Variants in DCC observed in about 807,000 individuals in gnomAD.
DCC encodes netrin receptor DCC.
A neutral mutation model predicts 172.5 loss-of-function variants in DCC; 58 were observed. The ratio of observed to expected loss-of-function variants is 0.34; its 90% CI spans 0.27 to 0.42. The LOEUF is 0.42. Among genes scored for constraint, DCC ranks in the 10% least tolerant of loss-of-function variants. The pLI is 1.00. For missense variants in DCC, 1,740 were observed against 1,791.0 expected (o/e 0.97, Z 0.51); for synonymous variants, 709 against 644.5 (o/e 1.10, Z -1.52).
intron 19 of DCC, among the ~76,000 whole-genome samples, chr18:53,406,730 AAG>A (rs111304682): frequency 0.36 from 45,313 of 126,950 alleles, 9,450 homozygotes; most frequent in Non-Finnish European, 0.5. Flanking sequence ...AGAAAGAAAA[AAG>A]AAAAAAAGTA....
intron 1 of DCC, among the ~76,000 whole-genome samples, chr18:52,726,432 G>T (rs1568066129): frequency 6.6e-6 from 1 of 151,984 alleles, no homozygotes; most frequent in South Asian, 2.1e-4. Flanking sequence ...ACTATTTGTA[G>T]CATCATCTCA....
intron 12 of DCC, among the ~76,000 whole-genome samples, chr18:53,295,438 G>A (rs2057055130): frequency 1.3e-5 from 2 of 152,084 alleles, no homozygotes; most frequent in East Asian, 1.9e-4. Context: ...AATGAAAATT[G>A]TTTACAAATA....
chr18:52,568,689 C>T (rs1297468533), intron 1 of DCC, among the ~76,000 whole-genome samples: 1 of 151,682 alleles, frequency 6.6e-6, no homozygotes, highest in Non-Finnish European at 1.5e-5. Flanking sequence ...TGTGTGCTTA[C>T]ACACACACAC....
At chr18:52,715,295 C>CTCT (rs2036360675) in intron 1 of DCC, among the ~76,000 whole-genome samples, 3 of 144,792 alleles carry the variant, frequency 2.1e-5, no homozygotes, top group Non-Finnish European at 3.0e-5. Flanking sequence ...TTTTTCTTTT[C>CTCT]TTTTTTTTTT....
intron 1 of DCC, among the ~76,000 whole-genome samples, chr18:52,607,548 C>T (rs370260658): frequency 3.3e-5 from 5 of 152,072 alleles, no homozygotes; most frequent in Non-Finnish European, 5.9e-5. Flanking sequence ...CAGTGAAATC[C>T]GTGGGGCAAG....
At chr18:53,436,796 A>G (rs1033637134) in intron 22 of DCC, among the ~76,000 whole-genome samples, 11 of 152,132 alleles carry the variant, frequency 7.2e-5, no homozygotes, top group African/African-American at 2.7e-4. Flanking sequence ...GGTAACTTAT[A>G]AACAACAGAA....
chr18:52,711,711 C>T (rs1371541780), intron 1 of DCC, among the ~76,000 whole-genome samples: 3 of 152,118 alleles, frequency 2.0e-5, no homozygotes, highest in Non-Finnish European at 4.4e-5. Context: ...ACTACATTCT[C>T]ACTTTGTTCT....
At chr18:53,208,516 CCCCTATATTTACCT>C (rs1217100419) in intron 11 of DCC, among the ~76,000 whole-genome samples, 1 of 151,668 alleles carries the variant, frequency 6.6e-6, no homozygotes, top group Admixed American at 6.6e-5. Flanking sequence ...ATAGACAATC[CCCCTATATTTACCT>C]CTTAATTAGA....
intron 12 of DCC, among the ~76,000 whole-genome samples, chr18:53,267,773 C>A (rs1403365840): frequency 1.3e-5 from 2 of 152,074 alleles, no homozygotes; most frequent in African/African-American, 4.8e-5. Flanking sequence ...GCCACATATT[C>A]GTTATTGTTA....
At chr18:53,075,746 A>G (rs148807061) in intron 7 of DCC, among the ~76,000 whole-genome samples, 2 of 152,304 alleles carry the variant, frequency 1.3e-5, no homozygotes, top group East Asian at 3.9e-4. Flanking sequence ...TGCTGTGCTT[A>G]TATGTATACA....
intron 1 of DCC, among the ~76,000 whole-genome samples, chr18:52,599,955 A>G (rs2033984868): frequency 6.6e-6 from 1 of 152,288 alleles, no homozygotes; most frequent in East Asian, 1.9e-4. Flanking sequence ...TCTGGGAACC[A>G]TGCCATCCCC....
chr18:52,530,519 CAG>C (rs964367097), intron 1 of DCC, among the ~76,000 whole-genome samples: 64 of 152,220 alleles, frequency 4.2e-4, no homozygotes, highest in Non-Finnish European at 3.1e-4. Context: ...ATAAAGAAAA[CAG>C]AGAATGCACA....
chr18:53,505,802 A>C (rs1231140020), intron 27 of DCC, among the ~76,000 whole-genome samples: 1 of 152,212 alleles, frequency 6.6e-6, no homozygotes, highest in South Asian at 2.1e-4. Flanking sequence ...GAGTGACAGA[A>C]GGAATGGTGA....
chr18:52,733,045 A>C (rs2036669811), intron 1 of DCC, among the ~76,000 whole-genome samples: 2 of 152,158 alleles, frequency 1.3e-5, no homozygotes, highest in South Asian at 4.1e-4. Flanking sequence ...GCCATGCTTA[A>C]CTGTAGGTTG....
intron 2 of DCC, among the ~76,000 whole-genome samples, chr18:52,770,970 C>A (rs2037331946): frequency 6.6e-6 from 1 of 152,200 alleles, no homozygotes; most frequent in African/African-American, 2.4e-5. Flanking sequence ...GAAGACGGGA[C>A]AATGTTCTTG....
rs74178673 is a variant in DCC at position 52,551,727 on chromosome 18, TACACAC to T, written c.92-200290_92-200285del. Among the ~76,000 whole-genome samples, 55 of 126,344 alleles carry T rather than the reference TACACAC, an allele frequency of 4.4e-4. 1 individual carries two copies. The highest frequency in any genetic ancestry group is 2.1e-3 in the Admixed American group (25 of 11,984). The allele number at this position is 126,344 out of a possible 152,430, so 82.9% of individuals were successfully genotyped here. On this transcript the variant is annotated intron_variant, in intron 1 of 28. Coordinates refer to ENST00000442544, the MANE Select transcript of DCC (RefSeq NM_005215.4). ...CCCTTTATCACCCCTTACTCTCCTC[TACACAC>T]ACACACACACACACACACACACACA...
In DCC at chr18:52,814,321, T is replaced by A. The variant is rs562700364; in HGVS notation, c.412+61947T>A. Among the ~76,000 whole-genome samples, 22 of 152,354 alleles carry A rather than the reference T, an allele frequency of 1.4e-4. No individual in the cohort carries two copies. In the South Asian group the frequency reaches 4.1e-3, roughly 29 times the overall value. On this transcript the variant is annotated intron_variant, in intron 2 of 28. Coordinates refer to ENST00000442544, the MANE Select transcript of DCC (RefSeq NM_005215.4). ...AGAATTTTCTGAGATACCAGTAGCC[T>A]GACTCCTGGAGACCTTGTGACCCAT...
intron 5 of DCC, among the ~76,000 whole-genome samples, chr18:52,973,516 T>G (rs963746026): frequency 1.4e-4 from 21 of 152,272 alleles, no homozygotes; most frequent in African/African-American, 5.1e-4. Flanking sequence ...GTTACATCCT[T>G]GCATCTTTCA....
chr18:53,097,564 C>T (rs765277549), intron 7 of DCC, among the ~76,000 whole-genome samples: 25 of 152,106 alleles, frequency 1.6e-4, no homozygotes, highest in Admixed American at 5.2e-4. Context: ...GATTTTCATA[C>T]ATCTTTTAAG....
Sources: gnomAD v4.1 joint callset for allele counts (sites outside exome capture counted in the v4.1 genomes callset) on GRCh38, gnomAD v4.1.1 for gene constraint, MANE v1.5 for transcripts, NCBI Gene and HGNC (gene_info 2026-07-23, HGNC 2026-07-21) for gene names.